ABHD3: variants seen among roughly 807,000 people sequenced by gnomAD.
ABHD3 encodes phospholipase ABHD3.
A neutral mutation model predicts 48.8 loss-of-function variants in ABHD3; 46 were observed. That is an observed-to-expected ratio of 0.94 (90% CI 0.74 to 1.20). The LOEUF (loss-of-function observed/expected upper bound fraction) is 1.20. Among genes scored for constraint, ABHD3 ranks in the 50% most tolerant of loss-of-function variants. The pLI is 0.00. For synonymous variants in ABHD3, 192 were observed against 183.7 expected, an observed-to-expected ratio of 1.04 and a Z score of -0.36; for missense variants, 490 against 497.8, an observed-to-expected ratio of 0.98 and a Z score of 0.15.
intron 4 of ABHD3, among the ~76,000 whole-genome samples, chr18:21,677,849 A>C (rs567781528): frequency 6.6e-6 from 1 of 151,754 alleles, no homozygotes; most frequent in South Asian, 2.1e-4. Context: ...ACGCCTGGCT[A>C]ATTTTTTTGT....
chr18:21,677,754 G>A (rs2039918214), intron 4 of ABHD3, among the ~76,000 whole-genome samples: 1 of 151,880 alleles, frequency 6.6e-6, no homozygotes, highest in African/African-American at 2.4e-5. Flanking sequence ...CGTGATCTCG[G>A]CTCACTGCAA....
intron 5 of ABHD3, among the ~76,000 whole-genome samples, chr18:21,660,407 G>A (rs760366646): frequency 1.3e-4 from 19 of 151,876 alleles, no homozygotes; most frequent in Non-Finnish European, 2.4e-4. Context: ...TTCTATTCCT[G>A]TTATTTGTCC....
intron 7 of ABHD3, 29 bp downstream of exon 7, chr18:21,657,075 A>T (rs1225377783): frequency 6.2e-7 from 1 of 1,613,922 alleles, no homozygotes; most frequent in South Asian, 1.1e-5. Context: ...AAGAAGAAAT[A>T]AAAGTATTAC....
intron 3 of ABHD3, among the ~76,000 whole-genome samples, chr18:21,690,682 G>A (rs1356684475): frequency 1.5e-5 from 2 of 131,924 alleles, no homozygotes; most frequent in Admixed American, 7.6e-5. Context: ...GATGGAGATT[G>A]TCAGACAGGA....
intron 4 of ABHD3, among the ~76,000 whole-genome samples, chr18:21,679,093 G>C (rs770536391): frequency 3.3e-5 from 5 of 152,188 alleles, no homozygotes; most frequent in Admixed American, 2.6e-4. Context: ...GTTCCTTCCT[G>C]TTTGATCTCT....
intron 3 of ABHD3, among the ~76,000 whole-genome samples, chr18:21,699,251 G>A (rs113171384): frequency 2.0e-5 from 3 of 152,158 alleles, no homozygotes; most frequent in African/African-American, 4.8e-5. Context: ...TGAAGTAGAT[G>A]AGAACGCTGT....
At chr18:21,663,113 G>A (rs1265445506) in intron 5 of ABHD3, among the ~76,000 whole-genome samples, 1 of 151,990 alleles carries the variant, frequency 6.6e-6, no homozygotes, top group Non-Finnish European at 1.5e-5. Context: ...TTAGTTTTAT[G>A]TTTATCAGAA....
In ABHD3 at chr18:21,664,173, CA is replaced by C. The variant is rs765214305; in HGVS notation, c.612del (p.His204GlnfsTer24). Reference sequence around the variant, plus strand: ...GGAGCAGAAGGGTACAGGCTGTGTACATGGTGAATAACTGTCTCCAAGTCTT... The same window carrying C: ...GGAGCAGAAGGGTACAGGCTGTGTACTGGTGAATAACTGTCTCCAAGTCTT... ...NTEDLETVIH[H>X]VHSLYPSAPF... On this transcript the variant is annotated frameshift_variant, in exon 5 of 9. Coordinates refer to ENST00000289119, the MANE Select transcript of ABHD3 (RefSeq NM_138340.5). LOFTEE classifies it high-confidence loss of function. The C allele has an allele frequency of 5.5e-5, 88 of 1,613,964 alleles. No homozygotes were observed. The highest frequency in any genetic ancestry group is 1.6e-4 in the Middle Eastern group (1 of 6,082).
chr18:21,674,030 G>C (rs141727286), intron 4 of ABHD3, among the ~76,000 whole-genome samples: 313 of 152,242 alleles, frequency 2.1e-3, no homozygotes, highest in Middle Eastern at 0.01. Context: ...GGTAAGAATG[G>C]TAAAACCTTT....
chr18:21,668,777 T>G (rs1436388606), intron 4 of ABHD3, among the ~76,000 whole-genome samples: 3 of 152,218 alleles, frequency 2.0e-5, no homozygotes, highest in Non-Finnish European at 4.4e-5. Flanking sequence ...AGATCAACAC[T>G]GATAATATTG....
Position 21,704,521 on chromosome 18 carries a change from G to A in ABHD3, c.145C>T (p.Leu49=). The change falls in exon 1 of 9, where the codon CTG becomes TTG. Residue 49 remains leucine, a synonymous_variant. Coordinates refer to ENST00000289119, the MANE Select transcript of ABHD3 (RefSeq NM_138340.5). ...GFSVAYAFYY[L]SSIAKKPQLV... ...CGGCTCACCTTGGCAATGCTGCTCA[G>A]GTAGTAGAAGGCATAAGCGACGCTG... The A allele has an allele frequency of 6.7e-7, 1 of 1,493,468 alleles. No individual in the cohort carries two copies. Among genetic ancestry groups the A allele is most frequent in the Middle Eastern group, 1.7e-4 (1 of 5,778 alleles). 92.5% of individuals were successfully genotyped at this position (1,493,468 alleles called of 1,614,324 possible).
chr18:21,679,312 A>G (rs780584235), intron 4 of ABHD3, among the ~76,000 whole-genome samples: 1 of 152,234 alleles, frequency 6.6e-6, no homozygotes, highest in Non-Finnish European at 1.5e-5. Flanking sequence ...CTAATAATCG[A>G]TATTAGCATC....
At chr18:21,657,341 C>CT (rs1162753284) in intron 6 of ABHD3, among the ~76,000 whole-genome samples, 189 bp from the exon 7 acceptor site, 1,833 of 140,316 alleles carry the variant, frequency 0.013, 23 homozygotes, top group East Asian at 0.098. Flanking sequence ...TCTTCAAGTA[C>CT]TTTTTTTTTT....
intron 8 of ABHD3, among the ~76,000 whole-genome samples, chr18:21,655,272 AAG>A (rs2039317839): frequency 1.3e-5 from 2 of 151,000 alleles, no homozygotes; most frequent in South Asian, 2.1e-4. Context: ...ATTGAGGGGA[AAG>A]AGAGAAAAAG....
At chr18:21,687,225 T>C (rs1315389653) in intron 3 of ABHD3, among the ~76,000 whole-genome samples, 1 of 151,958 alleles carries the variant, frequency 6.6e-6, no homozygotes, top group Non-Finnish European at 1.5e-5. Context: ...TTATTTTTTT[T>C]TGAGACAGAG....
intron 4 of ABHD3, among the ~76,000 whole-genome samples, chr18:21,674,718 T>C (rs1482422047): frequency 6.6e-6 from 1 of 152,110 alleles, no homozygotes; most frequent in Non-Finnish European, 1.5e-5. Context: ...TTTTGAAGCA[T>C]TTAGGAAAGG....
chr18:21,693,534 ACT>A (rs2040300288), intron 3 of ABHD3, among the ~76,000 whole-genome samples: 1 of 152,134 alleles, frequency 6.6e-6, no homozygotes, highest in South Asian at 2.1e-4. Context: ...GGGCATGCCA[ACT>A]CTGATAAAAA....
At chr18:21,653,809 C>T (rs1041420616) in intron 8 of ABHD3, among the ~76,000 whole-genome samples, 1 of 147,324 alleles carries the variant, frequency 6.8e-6, no homozygotes, top group Non-Finnish European at 1.5e-5. Flanking sequence ...GGTGGGAGGA[C>T]AGCTTGAGCC....
intron 3 of ABHD3, among the ~76,000 whole-genome samples, chr18:21,686,906 T>G (rs2040140303): frequency 6.6e-6 from 1 of 152,046 alleles, no homozygotes; most frequent in Non-Finnish European, 1.5e-5. Flanking sequence ...CATTGAAAAA[T>G]CTGTTAACCT....
Sources: allele counts gnomAD v4.1 joint callset (sites outside exome capture counted in the v4.1 genomes callset), GRCh38; gene constraint gnomAD v4.1.1; transcripts MANE v1.5; gene names NCBI Gene and HGNC (gene_info 2026-07-23, HGNC 2026-07-21).